Variants in EPS15L1 observed in about 807,000 individuals in gnomAD.
EPS15L1 encodes epidermal growth factor receptor pathway substrate 15 like 1, also known as epidermal growth factor receptor substrate 15-like 1.
EPS15L1 carries 43 observed loss-of-function variants against 117.1 expected under a neutral mutation model. The observed-to-expected ratio is 0.37, with a 90% CI of 0.29 to 0.47. The LOEUF (loss-of-function observed/expected upper bound fraction) is 0.47. EPS15L1 is among the 20% of genes least tolerant of loss of function. The probability of loss-of-function intolerance (pLI) is 0.99; values close to 1 mark genes in which losing one functional copy is unlikely to be tolerated. For missense variants in EPS15L1, 981 were observed against 1,164.0 expected, an observed-to-expected ratio of 0.84 and a Z score of 2.29; for synonymous variants, 459 against 470.5, an observed-to-expected ratio of 0.98 and a Z score of 0.32.
intron 21 of EPS15L1, among the ~76,000 whole-genome samples, chr19:16,380,777 C>T (rs1381046926): frequency 6.6e-6 from 1 of 152,242 alleles, no homozygotes; most frequent in African/African-American, 2.4e-5. Flanking sequence ...GCCGTTTAGG[C>T]CTCTGGAGTC....
intron 22 of EPS15L1, 77 bp downstream of exon 22, chr19:16,377,045 T>C: frequency 6.7e-7 from 1 of 1,499,764 alleles, no homozygotes; most frequent in Non-Finnish European, 8.9e-7. Flanking sequence ...TACTCTGGGC[T>C]GGTGAGCAGG....
rs1404364521 is a variant in EPS15L1 at position 16,365,328 on chromosome 19, T to C, written c.2381-3344A>G. Among the ~76,000 whole-genome samples, 7 of 152,134 alleles carry C rather than the reference T, an allele frequency of 4.6e-5. No homozygotes were observed. Among genetic ancestry groups the C allele is most frequent in the African/African-American group, 1.7e-4 (7 of 41,424 alleles). On this transcript the variant is annotated intron_variant, in intron 22 of 23. Transcript: ENST00000455140. The surrounding 1 kb of genome is among the most constrained non-coding windows in gnomAD (Gnocchi z 4.9). ...AATATAACCATACTTGAAGATAGCA[T>C]ATTTAAAGGGGTAACTGAGTTAAAA...
At position 16,366,157 on chromosome 19, in the gene EPS15L1, GC is replaced by G. The variant is rs561524017; in HGVS notation, c.2381-4174del. 2.4e-4 allele frequency among the ~76,000 whole-genome samples: 36 copies of G among 152,254 alleles called. 1 individual carries two copies. The South Asian group carries it at 7.3e-3, about 31-fold the overall frequency. ...GCTCAAAGTCCCAGGACACGGTGTA[GC>G]CCCCTGGGACGGGCAGCAAGTCCAG... On this transcript the variant is annotated intron_variant, in intron 22 of 23. Coordinates refer to ENST00000455140, the MANE Select transcript of EPS15L1 (RefSeq NM_001258374.3).
chr19:16,359,979 G>C (rs1349644869), intron 23 of EPS15L1, among the ~76,000 whole-genome samples: 1 of 151,640 alleles, frequency 6.6e-6, no homozygotes, highest in East Asian at 1.9e-4. Flanking sequence ...TGATAAAATG[G>C]CTGGCGCTAT....
intron 1 of EPS15L1, among the ~76,000 whole-genome samples, chr19:16,451,214 G>C (rs180687187): frequency 3.0e-4 from 46 of 152,196 alleles, no homozygotes; most frequent in Middle Eastern, 3.4e-3. Flanking sequence ...GCCTCCCAAA[G>C]TGCTGGGATT....
In EPS15L1 at chr19:16,471,895, G is replaced by T. The variant is rs982600791; in HGVS notation, c.33+18C>A. On this transcript the variant is annotated intron_variant, in intron 1 of 23. Coordinates refer to ENST00000455140, the MANE Select transcript of EPS15L1 (RefSeq NM_001258374.3). This position sits in a 1 kb window ranked among gnomAD's most constrained non-coding sequence, Gnocchi z 4.8. ...GCCCCGCACCCCGGCGCCGCCCCCA[G>T]GCCCGCCCGGCCCGTACCTGCTGGG... is the stretch of plus-strand genomic sequence containing the variant. 7.7e-7 allele frequency: 1 copy of T among 1,297,004 alleles called. No individual in the cohort carries two copies. Among genetic ancestry groups the T allele is most frequent in the Non-Finnish European group, 9.8e-7 (1 of 1,021,608 alleles). The allele number at this position is 1,297,004 out of a possible 1,614,324, so 80.3% of individuals were successfully genotyped here. A position where few individuals can be genotyped will look rare whatever the true frequency, so the allele number is the denominator to read the frequency against.
chr19:16,355,538 TGTGACCTTTCCAG>T lies in EPS15L1; in HGVS notation c.*154_*166del. 1.2e-6 allele frequency: 1 copy of T among 839,140 alleles called. No homozygotes were observed. The highest frequency in any genetic ancestry group is 1.8e-6 in the Non-Finnish European group (1 of 558,210). The allele number at this position is 839,140 out of a possible 1,614,324, so 52.0% of individuals were successfully genotyped here. A position where few individuals can be genotyped will look rare whatever the true frequency, so the allele number is the denominator to read the frequency against. The stretch of plus-strand genomic sequence containing the variant: ...CCTCTGTAAGGGCTTCCCCAGGAGA[TGTGACCTTTCCAG>T]GTCTTGCAGCCGAGTCTGCTCACCC... On this transcript the variant is annotated 3_prime_UTR_variant, in exon 24 of 24. Transcript: ENST00000455140.
At chr19:16,417,416 A>T (rs947187376) in intron 12 of EPS15L1, 136 bp downstream of exon 12, 65 of 733,658 alleles carry the variant, frequency 8.9e-5, no homozygotes, top group Middle Eastern at 7.4e-4. Flanking sequence ...AGGACCTCAG[A>T]AGCTGTATCT....
intron 1 of EPS15L1, among the ~76,000 whole-genome samples, chr19:16,467,150 C>CT (rs958708091): frequency 0.02 from 2,772 of 140,506 alleles, 59 homozygotes; most frequent in African/African-American, 0.05. Flanking sequence ...CTTTTCTTTT[C>CT]TTTTTTTTTT....
At chr19:16,452,424 C>G (rs2093154337) in intron 1 of EPS15L1, among the ~76,000 whole-genome samples, 1 of 146,206 alleles carries the variant, frequency 6.8e-6, no homozygotes, top group African/African-American at 2.5e-5. Flanking sequence ...CCAGCCTGGG[C>G]AACAGGAGTG....
intron 1 of EPS15L1, among the ~76,000 whole-genome samples, chr19:16,468,869 A>G (rs1161365796): frequency 6.6e-6 from 1 of 152,212 alleles, no homozygotes; most frequent in African/African-American, 2.4e-5. Flanking sequence ...TTGTTTAATT[A>G]GCTGGGTATG....
At chr19:16,416,488 A>G (rs903667998) in intron 12 of EPS15L1, among the ~76,000 whole-genome samples, 6 of 152,112 alleles carry the variant, frequency 3.9e-5, no homozygotes, top group Non-Finnish European at 7.4e-5. Flanking sequence ...ATATAAAAAA[A>G]TTAGCCAGGC....
At chr19:16,393,751 G>A (rs562931530) in intron 18 of EPS15L1, among the ~76,000 whole-genome samples, 200 bp downstream of exon 18, 75 of 152,164 alleles carry the variant, frequency 4.9e-4, no homozygotes, top group Non-Finnish European at 9.3e-4. Context: ...TGGGGTGCGG[G>A]CAGTGACTGG....
chr19:16,422,188 CCT>C (rs1353526471), intron 9 of EPS15L1, among the ~76,000 whole-genome samples: 2 of 152,170 alleles, frequency 1.3e-5, no homozygotes, highest in Admixed American at 6.5e-5. Flanking sequence ...ACGTGCGACC[CCT>C]CTCGCCACCA....
chr19:16,437,710 T>C (rs375351441), intron 5 of EPS15L1, 60 bp downstream of exon 5: 22 of 1,146,018 alleles, frequency 1.9e-5, no homozygotes, highest in Non-Finnish European at 2.8e-5. Context: ...CACATGCACA[T>C]ACACACACAC....
chr19:16,444,458 C>T (rs2093064273), intron 1 of EPS15L1, among the ~76,000 whole-genome samples: 1 of 152,176 alleles, frequency 6.6e-6, no homozygotes, highest in Non-Finnish European at 1.5e-5. Context: ...CAGTGTCCAG[C>T]CATCACACCT....
Position 16,404,734 on chromosome 19 carries a change from G to A in EPS15L1, c.1282C>T (p.Leu428=). Residue 428 remains leucine (L), a synonymous_variant, in exon 14 of 24, where the codon CTA becomes TTA. Transcript: ENST00000455140. The surrounding 1 kb of genome is among the most constrained non-coding windows in gnomAD (Gnocchi z 4.2). ...TSEVQELQND[L]DRETSSLQEL... is the part of the protein sequence containing the mutation. The stretch of plus-strand genomic sequence containing the variant: ...TGCAAACTGCTTGTTTCCCGGTCTA[G>A]GTCATTTTGTAATTCCTAGGGAGGA... 6.2e-7 allele frequency: 1 copy of A among 1,614,170 alleles called. No individual in the cohort carries two copies. The highest frequency in any genetic ancestry group is 8.5e-7 in the Non-Finnish European group (1 of 1,180,036).
At chr19:16,443,110 A>G (rs1238258799) in intron 1 of EPS15L1, among the ~76,000 whole-genome samples, 5 of 152,250 alleles carry the variant, frequency 3.3e-5, no homozygotes, top group African/African-American at 1.2e-4. Context: ...AGGTGAAAAA[A>G]GAGCACACAA....
chr19:16,400,794 T>TA, intron 16 of EPS15L1: 2 of 985,202 alleles, frequency 2.0e-6, no homozygotes, highest in African/African-American at 1.7e-5. Context: ...ACCAGAAAGG[T>TA]AAAAATCTGT....
Sources: allele counts gnomAD v4.1 joint callset (sites outside exome capture counted in the v4.1 genomes callset), GRCh38; gene constraint gnomAD v4.1.1; non-coding constraint Gnocchi (gnomAD v3.1); transcripts MANE v1.5; gene names NCBI Gene and HGNC (gene_info 2026-07-23, HGNC 2026-07-21).